The following LRRC38 variants were observed in gnomAD, a reference collection of about 807,000 sequenced individuals.
LRRC38 encodes the protein leucine-rich repeat-containing protein 38.
A neutral mutation model predicts 16.4 loss-of-function variants in LRRC38; 5 were observed. That is an observed-to-expected ratio of 0.31 (90% CI 0.16 to 0.64). The LOEUF (loss-of-function observed/expected upper bound fraction) is 0.64, where lower values mean the gene tolerates loss of function less well. LRRC38 is among the 30% of genes least tolerant of loss of function. The pLI, the probability that LRRC38 is intolerant of heterozygous loss-of-function variation, is 0.80. For synonymous variants in LRRC38, 191 were observed against 190.2 expected (o/e 1.00, Z -0.04); for missense variants, 341 against 401.8 (o/e 0.85, Z 1.29).
At chr1:13,479,179 C>T (rs115362521) in intron 1 of LRRC38, among the ~76,000 whole-genome samples, 2,024 of 151,702 alleles carry the variant, frequency 0.013, 27 homozygotes, top group Non-Finnish European at 0.02. Context: ...TGCAGACACT[C>T]ATGTCTTCAA....
intron 1 of LRRC38, 136 bp downstream of exon 1, chr1:13,512,827 A>G: frequency 1.1e-6 from 1 of 886,580 alleles, no homozygotes; most frequent in Non-Finnish European, 1.7e-6. Context: ...CCCAGCAGAG[A>G]CCCAGGAAAA....
intron 1 of LRRC38, among the ~76,000 whole-genome samples, chr1:13,497,853 C>G (rs1444613848): frequency 6.7e-6 from 1 of 148,928 alleles, no homozygotes; most frequent in African/African-American, 2.5e-5. Flanking sequence ...CCCAGCTACT[C>G]AGGAGATGAG....
At chr1:13,486,755 T>C (rs1266985890) in intron 1 of LRRC38, among the ~76,000 whole-genome samples, 1 of 152,054 alleles carries the variant, frequency 6.6e-6, no homozygotes, top group East Asian at 1.9e-4. Flanking sequence ...CACGCCCAGC[T>C]AATTTTTGTA....
At chr1:13,478,289 A>C (rs886070296) in intron 1 of LRRC38, among the ~76,000 whole-genome samples, 12 of 152,202 alleles carry the variant, frequency 7.9e-5, no homozygotes, top group African/African-American at 2.9e-4. Context: ...TCTTGTTCTA[A>C]TCACTACACA....
chr1:13,501,453 G>A (rs1349878283), intron 1 of LRRC38, among the ~76,000 whole-genome samples: 5 of 151,456 alleles, frequency 3.3e-5, no homozygotes, highest in Non-Finnish European at 7.3e-5. Flanking sequence ...CTGTTGCCCA[G>A]GCTGGGGTGC....
At chr1:13,504,636 T>G (rs1639188143) in intron 1 of LRRC38, among the ~76,000 whole-genome samples, 1 of 149,710 alleles carries the variant, frequency 6.7e-6, no homozygotes, top group Non-Finnish European at 1.5e-5. Flanking sequence ...GACATGAGAA[T>G]AGCTTGAACC....
At chr1:13,510,532 A>G (rs919736554) in intron 1 of LRRC38, among the ~76,000 whole-genome samples, 5 of 152,184 alleles carry the variant, frequency 3.3e-5, no homozygotes, top group African/African-American at 1.2e-4. Flanking sequence ...ACAGATGAGG[A>G]AACGGGTACA....
chr1:13,499,296 A>G (rs902357951), intron 1 of LRRC38, among the ~76,000 whole-genome samples: 20 of 152,178 alleles, frequency 1.3e-4, no homozygotes, highest in Admixed American at 3.3e-4. Context: ...ACGGGGTTTC[A>G]CCATGTTGGC....
At chr1:13,476,896 C>T (rs1428911907) in intron 1 of LRRC38, among the ~76,000 whole-genome samples, 3 of 151,970 alleles carry the variant, frequency 2.0e-5, no homozygotes, top group East Asian at 1.9e-4. Context: ...GTCAGGAGTT[C>T]GGGACCAGCC....
chr1:13,503,059 C>T (rs1180086458), intron 1 of LRRC38, among the ~76,000 whole-genome samples: 2 of 152,120 alleles, frequency 1.3e-5, no homozygotes, highest in Non-Finnish European at 2.9e-5. Flanking sequence ...GCCACAGGGA[C>T]CCACCCAGGG....
intron 1 of LRRC38, among the ~76,000 whole-genome samples, chr1:13,480,686 C>T (rs935515863): frequency 6.6e-6 from 1 of 152,172 alleles, no homozygotes; most frequent in Non-Finnish European, 1.5e-5. Context: ...GAGTTCACCT[C>T]TACATGCGCT....
intron 1 of LRRC38, among the ~76,000 whole-genome samples, chr1:13,492,177 T>C (rs1639021224): frequency 6.6e-6 from 1 of 152,242 alleles, no homozygotes; most frequent in African/African-American, 2.4e-5. Flanking sequence ...TGAGTTTGAC[T>C]ACTCTACGTA....
At chr1:13,478,983 A>G (rs1263726180) in intron 1 of LRRC38, among the ~76,000 whole-genome samples, 2 of 152,166 alleles carry the variant, frequency 1.3e-5, no homozygotes, top group African/African-American at 2.4e-5. Context: ...AATTAGCTGG[A>G]CCAGAGCTCT....
chr1:13,484,523 C>CAGACAGATGGATCCCCAG (rs1354408440), intron 1 of LRRC38, among the ~76,000 whole-genome samples: 5 of 152,232 alleles, frequency 3.3e-5, no homozygotes, highest in African/African-American at 1.2e-4. Flanking sequence ...GCTCCCCTAT[C>CAGACAGATGGATCCCCAG]AGACAGATGG....
intron 1 of LRRC38, among the ~76,000 whole-genome samples, chr1:13,484,513 G>T (rs1388725490): frequency 6.6e-6 from 1 of 152,196 alleles, no homozygotes; most frequent in Non-Finnish European, 1.5e-5. Context: ...TCTGAAACCA[G>T]CTCCCCTATC....
chr1:13,509,473 C>T (rs1639250697), intron 1 of LRRC38, among the ~76,000 whole-genome samples: 2 of 152,206 alleles, frequency 1.3e-5, no homozygotes, highest in Non-Finnish European at 1.5e-5. Flanking sequence ...TTTCTCAAAC[C>T]CAGCGGCATA....
Position 13,476,199 on chromosome 1 carries a change from C to T in LRRC38, c.632-100G>A, listed in dbSNP as rs138571349. 4.0e-3 allele frequency: 4,399 copies of T among 1,097,468 alleles called. 19 individuals carry two copies. Among genetic ancestry groups the T allele is most frequent in the Non-Finnish European group, 4.7e-3 (3,664 of 772,070 alleles). The allele number at this position is 1,097,468 out of a possible 1,614,324, so 68.0% of individuals were successfully genotyped here. A position where few individuals can be genotyped will look rare whatever the true frequency, so the allele number is the denominator to read the frequency against. On this transcript the variant is annotated intron_variant, in intron 1 of 1. Transcript: ENST00000376085. The stretch of plus-strand genomic sequence containing the variant: ...GCTTACAAAGCCAGCAATGTGCAAG[C>T]ATCCTCCCAAAAATAAAAGGGGGGA...
chr1:13,501,885 C>T (rs1216223960), intron 1 of LRRC38, among the ~76,000 whole-genome samples: 1 of 152,070 alleles, frequency 6.6e-6, no homozygotes, highest in African/African-American at 2.4e-5. Context: ...GCCTCAGCCT[C>T]CCGAGTAGCT....
chr1:13,499,224 G>C (rs59768501), intron 1 of LRRC38, among the ~76,000 whole-genome samples: 11,298 of 151,976 alleles, frequency 0.074, 1,340 homozygotes, highest in African/African-American at 0.26. Context: ...TCCATCTCCC[G>C]AGTAGCTGGG....
Sources: allele counts gnomAD v4.1 joint callset (sites outside exome capture counted in the v4.1 genomes callset), GRCh38; gene constraint gnomAD v4.1.1; transcripts MANE v1.5; gene names NCBI Gene and HGNC (gene_info 2026-07-23, HGNC 2026-07-21).